The following TTC1 variants were observed in gnomAD, a reference collection of about 807,000 sequenced individuals.
TTC1 encodes tetratricopeptide repeat domain 1, also known as tetratricopeptide repeat protein 1.
TTC1 carries 31 observed loss-of-function variants against 37.6 expected under a neutral mutation model. The observed-to-expected ratio is 0.82, with a 90% CI of 0.62 to 1.11. The LOEUF (loss-of-function observed/expected upper bound fraction) is 1.11. Ranked by LOEUF, TTC1 falls within the 50% of genes most tolerant of loss-of-function variation. TTC1 has a pLI of 0.00. For missense variants in TTC1, 351 were observed against 339.0 expected (o/e 1.04, Z -0.28); for synonymous variants, 127 against 122.4 (o/e 1.04, Z -0.25).
chr5:160,045,520 A>ACACTCT (rs1202139318), intron 5 of TTC1, among the ~76,000 whole-genome samples: 26 of 54,884 alleles, frequency 4.7e-4, no homozygotes, highest in African/African-American at 1.1e-3. Flanking sequence ...ACACATACAC[A>ACACTCT]CTCTCTCTCT....
intron 4 of TTC1, among the ~76,000 whole-genome samples, chr5:160,037,073 A>G (rs554332101): frequency 4.6e-5 from 7 of 152,324 alleles, no homozygotes; most frequent in African/African-American, 1.4e-4. Flanking sequence ...AGGTTAATGA[A>G]GCAATGAGCC....
At chr5:160,022,160 T>C (rs926783513) in intron 2 of TTC1, among the ~76,000 whole-genome samples, 16 of 152,204 alleles carry the variant, frequency 1.1e-4, no homozygotes, top group Non-Finnish European at 8.8e-5. Context: ...TTAAATGTAT[T>C]TCATGCAAGT....
rs996939427 is a variant in TTC1 at position 160,043,072 on chromosome 5, A to G, written c.505-61A>G. ...TATTAGTGATCAGATCATGTCATTAAGCCTTTGGGCCATTAAGATAAAACT... is the reference window on the plus strand; with the variant it reads ...TATTAGTGATCAGATCATGTCATTAGGCCTTTGGGCCATTAAGATAAAACT... On this transcript the variant is annotated intron_variant, in intron 4 of 7. Transcript: ENST00000231238. The G allele has an allele frequency of 3.2e-6, 5 of 1,550,518 alleles. No homozygotes were observed. In the African/African-American group the frequency reaches 6.8e-5, roughly 21 times the overall value.
chr5:160,058,358 A>G (rs1023281355), intron 7 of TTC1, among the ~76,000 whole-genome samples: 1 of 152,030 alleles, frequency 6.6e-6, no homozygotes, highest in Non-Finnish European at 1.5e-5. Context: ...AACTCCTGTT[A>G]ATGTTGGTAT....
chr5:160,014,513 A>AT (rs1296335417), intron 2 of TTC1, among the ~76,000 whole-genome samples: 6 of 150,224 alleles, frequency 4.0e-5, no homozygotes, highest in Non-Finnish European at 5.9e-5. Flanking sequence ...AAAAAAAAAA[A>AT]TTTTTTTTTA....
chr5:160,010,704 A>G lies in TTC1; in HGVS notation c.176A>G (p.Glu59Gly). The G allele has an allele frequency of 6.2e-7, 1 of 1,613,748 alleles. No individual in the cohort carries two copies. Among genetic ancestry groups the G allele is most frequent in the Non-Finnish European group, 8.5e-7 (1 of 1,179,836 alleles). ...GCCCATCTCCAGGAGGACCAGGGAG[A>G]AGAGGAGTGTTTTCATGACTGCAGT... ...DEAHLQEDQG[E>G]EECFHDCSAS... Residue 59 changes from glutamate to glycine, a missense_variant, in exon 2 of 8, where the codon GAA becomes GGA. Glu to Gly is a moderately conservative substitution (Grantham distance 98). Coordinates refer to ENST00000231238, the MANE Select transcript of TTC1 (RefSeq NM_003314.3).
chr5:160,027,335 T>G (rs1756825407), intron 2 of TTC1, among the ~76,000 whole-genome samples: 1 of 152,184 alleles, frequency 6.6e-6, no homozygotes, highest in South Asian at 2.1e-4. Context: ...AGCCCTACTT[T>G]AGTTTAATAG....
At chr5:160,024,245 A>C (rs1289210445) in intron 2 of TTC1, among the ~76,000 whole-genome samples, 1 of 152,236 alleles carries the variant, frequency 6.6e-6, no homozygotes, top group African/African-American at 2.4e-5. Flanking sequence ...TCCCAGGTGG[A>C]GAGTTCTATT....
chr5:160,048,780 A>C (rs906876341), intron 5 of TTC1, among the ~76,000 whole-genome samples: 6 of 152,074 alleles, frequency 3.9e-5, no homozygotes, highest in African/African-American at 1.4e-4. Flanking sequence ...ATGAAACCCC[A>C]TCTCTACTAA....
intron 2 of TTC1, among the ~76,000 whole-genome samples, chr5:160,014,227 G>A (rs1431099220): frequency 2.0e-5 from 3 of 151,646 alleles, no homozygotes; most frequent in South Asian, 2.1e-4. Context: ...GCCTGGTGGC[G>A]GGCTCCTGTA....
chr5:160,031,232 CTG>C (rs922164753), intron 2 of TTC1, among the ~76,000 whole-genome samples: 9 of 152,188 alleles, frequency 5.9e-5, no homozygotes, highest in Admixed American at 5.2e-4. Flanking sequence ...TTTGCACAAT[CTG>C]TGGAGAGGGA....
chr5:160,010,864 T>C lies in TTC1; in HGVS notation c.330+6T>C, dbSNP rs1561623140. 3.7e-6 allele frequency: 6 copies of C among 1,607,288 alleles called. No individual in the cohort carries two copies. The highest frequency in any genetic ancestry group is 1.7e-6 in the Non-Finnish European group (2 of 1,176,016). The stretch of plus-strand genomic sequence containing the variant: ...TGTCGGATGAAGAGAAACAGGTAAG[T>C]ATTTTATTTATTGTGCAAGATCTGC... On this transcript the variant is annotated splice_donor_region_variant and intron_variant, in intron 2 of 7. Coordinates refer to ENST00000231238, the MANE Select transcript of TTC1 (RefSeq NM_003314.3).
intron 2 of TTC1, chr5:160,023,859 TC>T: frequency 6.2e-7 from 1 of 1,612,410 alleles, no homozygotes; most frequent in Non-Finnish European, 8.5e-7. Context: ...CAATTCTTTT[TC>T]TTCTCCTCCT....
At chr5:160,060,387 G>A (rs373295603) in intron 7 of TTC1, among the ~76,000 whole-genome samples, 1 of 152,174 alleles carries the variant, frequency 6.6e-6, no homozygotes, top group Non-Finnish European at 1.5e-5. Flanking sequence ...GCAAGCACTC[G>A]GATCCCTGTC....
intron 2 of TTC1, chr5:160,023,626 C>T: frequency 3.5e-6 from 3 of 847,258 alleles, no homozygotes; most frequent in Non-Finnish European, 5.6e-6. Context: ...CGAAACAGAT[C>T]CAGATGGACA....
In TTC1 at chr5:160,057,763, G is replaced by A; in HGVS notation, c.745+6580G>A. Among the ~76,000 whole-genome samples the A allele has an allele frequency of 6.6e-6, 1 of 152,048 alleles. No individual in the cohort carries two copies. Among genetic ancestry groups the A allele is most frequent in the South Asian group, 2.1e-4 (1 of 4,816 alleles). ...CAGCTAAGGTTATGTAATATTTGGG[G>A]GTTTGTGCGTGTGTGTGTGTGTGTG... is the stretch of plus-strand genomic sequence containing the variant. On this transcript the variant is annotated intron_variant, in intron 7 of 7. Transcript: ENST00000231238. The surrounding 1 kb of genome is among the most constrained non-coding windows in gnomAD (Gnocchi z 4.4).
At chr5:160,011,997 G>A (rs768337320) in intron 2 of TTC1, among the ~76,000 whole-genome samples, 5 of 152,122 alleles carry the variant, frequency 3.3e-5, no homozygotes, top group Admixed American at 6.6e-5. Flanking sequence ...TAATGTGAAC[G>A]TGTTCGTTTT....
At chr5:160,009,576 C>G (rs536516178) in intron 1 of TTC1, among the ~76,000 whole-genome samples, 1 of 151,972 alleles carries the variant, frequency 6.6e-6, no homozygotes, top group African/African-American at 2.4e-5. Flanking sequence ...GGCTGCATAT[C>G]AGAATCACCT....
chr5:160,025,747 G>A (rs1756792200), intron 2 of TTC1, among the ~76,000 whole-genome samples: 1 of 152,134 alleles, frequency 6.6e-6, no homozygotes, highest in African/African-American at 2.4e-5. Flanking sequence ...GAACTTTGTT[G>A]TTTTGTTTTG....
Sources: gnomAD v4.1 joint callset for allele counts (sites outside exome capture counted in the v4.1 genomes callset) on GRCh38, gnomAD v4.1.1 for gene constraint, Gnocchi (gnomAD v3.1) non-coding constraint, MANE v1.5 for transcripts, NCBI Gene and HGNC (gene_info 2026-07-23, HGNC 2026-07-21) for gene names.